Variants in ZNF529 observed in about 807,000 individuals in gnomAD.
ZNF529 encodes zinc finger protein 529.
Under a neutral mutation model 10.1 loss-of-function variants are expected in ZNF529, and 11 were observed. The ratio of observed to expected loss-of-function variants is 1.09; its 90% CI spans 0.69 to 1.81. ZNF529 has a LOEUF of 1.81. Ranked by LOEUF, ZNF529 falls within the 40% of genes most tolerant of loss-of-function variation. The pLI, the probability that ZNF529 is intolerant of heterozygous loss-of-function variation, is 0.00. For synonymous variants in ZNF529, 204 were observed against 215.7 expected (o/e 0.95, Z 0.47); for missense variants, 624 against 666.8 (o/e 0.94, Z 0.71).
At chr19:36,591,298 A>AC (rs1491248978) in intron 1 of ZNF529, among the ~76,000 whole-genome samples, 262 of 110,086 alleles carry the variant, frequency 2.4e-3, no homozygotes, top group African/African-American at 9.1e-3. Flanking sequence ...ACTCCGTCTC[A>AC]AAAAAAAAAA....
chr19:36,561,894 C>T (rs921841325), intron 2 of ZNF529, among the ~76,000 whole-genome samples: 2 of 152,242 alleles, frequency 1.3e-5, no homozygotes, highest in Non-Finnish European at 2.9e-5. Context: ...TTTGGACCTA[C>T]TTGAGACCAG....
At chr19:36,566,840 T>C (rs2035917245) in intron 2 of ZNF529, among the ~76,000 whole-genome samples, 2 of 151,672 alleles carry the variant, frequency 1.3e-5, no homozygotes, top group Non-Finnish European at 2.9e-5. Flanking sequence ...GCCAATATGG[T>C]AAAATCCCAT....
intron 1 of ZNF529, among the ~76,000 whole-genome samples, chr19:36,603,218 G>A (rs189557803): frequency 2.6e-5 from 4 of 152,122 alleles, no homozygotes; most frequent in Admixed American, 2.6e-4. Context: ...GGTCTCCTCC[G>A]TAACAAATCA....
At chr19:36,558,741 T>C (rs1378543388) in intron 2 of ZNF529, among the ~76,000 whole-genome samples, 2 of 151,824 alleles carry the variant, frequency 1.3e-5, no homozygotes, top group Non-Finnish European at 2.9e-5. Context: ...TTTTAAAATA[T>C]AACACCAAAA....
intron 2 of ZNF529, among the ~76,000 whole-genome samples, chr19:36,579,330 G>A (rs1600336938): frequency 6.6e-6 from 1 of 152,128 alleles, no homozygotes; most frequent in East Asian, 1.9e-4. Context: ...CAGATAATAG[G>A]CCTCAAAACA....
chr19:36,547,287 C>T lies in ZNF529; in HGVS notation c.1271G>A (p.Cys424Tyr). The T allele has an allele frequency of 6.2e-7, 1 of 1,613,720 alleles. No homozygotes were observed. Among genetic ancestry groups the T allele is most frequent in the Non-Finnish European group, 8.5e-7 (1 of 1,179,808 alleles). Residue 424 changes from cysteine (C) to tyrosine (Y), a missense_variant, in exon 5 of 5, where the codon TGT (cysteine) becomes TAT (tyrosine). Transcript: ENST00000591340. ...TCCAAATGCTTTCTCACATTCTTTA[C>T]ATTTATAGGGTTTTTCACCAGTATG... ...RIHTGEKPYK[C>Y]KECEKAFGVG...
intron 2 of ZNF529, among the ~76,000 whole-genome samples, chr19:36,569,650 C>T (rs2036026378): frequency 1.3e-5 from 2 of 152,060 alleles, no homozygotes; most frequent in Admixed American, 1.3e-4. Flanking sequence ...ACCTGTAGTC[C>T]CAGCTACTCA....
intron 2 of ZNF529, among the ~76,000 whole-genome samples, chr19:36,584,732 A>C (rs1026959876): frequency 2.7e-5 from 4 of 150,466 alleles, no homozygotes; most frequent in Non-Finnish European, 5.9e-5. Flanking sequence ...GCCCCACTGC[A>C]CTCCACCCTG....
intron 2 of ZNF529, among the ~76,000 whole-genome samples, chr19:36,587,918 T>C (rs1423324864): frequency 2.0e-5 from 3 of 152,070 alleles, no homozygotes; most frequent in African/African-American, 4.8e-5. Flanking sequence ...CGATCTAAAA[T>C]TGTGGTGATG....
chr19:36,591,594 G>A (rs910433381), intron 1 of ZNF529, among the ~76,000 whole-genome samples: 3 of 151,488 alleles, frequency 2.0e-5, no homozygotes, highest in Non-Finnish European at 4.4e-5. Context: ...GGTGGTGGGC[G>A]CCTGCCTGTA....
At chr19:36,594,110 T>C (rs2036787986) in intron 1 of ZNF529, 1 of 152,164 alleles carries the variant, frequency 6.6e-6, no homozygotes, top group Non-Finnish European at 1.5e-5. Flanking sequence ...CAACCCTATC[T>C]TGAGATAACA....
chr19:36,590,663 C>A (rs1396487581), intron 1 of ZNF529, among the ~76,000 whole-genome samples: 1 of 152,126 alleles, frequency 6.6e-6, no homozygotes, highest in Non-Finnish European at 1.5e-5. Context: ...GGCATGACGG[C>A]TCATGCCTGT....
At chr19:36,557,958 A>G (rs1463455850) in intron 2 of ZNF529, among the ~76,000 whole-genome samples, 2 of 151,982 alleles carry the variant, frequency 1.3e-5, no homozygotes, top group Non-Finnish European at 2.9e-5. Flanking sequence ...ATAATGTTGC[A>G]TCAAAAAGAG....
chr19:36,559,220 G>A (rs928045263), intron 2 of ZNF529, among the ~76,000 whole-genome samples: 9 of 152,162 alleles, frequency 5.9e-5, no homozygotes, highest in Non-Finnish European at 1.0e-4. Context: ...AAAGAATATA[G>A]AGGCTCCTCA....
intron 1 of ZNF529, among the ~76,000 whole-genome samples, chr19:36,593,481 A>G (rs1403979208): frequency 1.3e-5 from 2 of 152,196 alleles, no homozygotes; most frequent in Non-Finnish European, 2.9e-5. Context: ...GTCCCAATCT[A>G]TAATCGAATG....
intron 2 of ZNF529, among the ~76,000 whole-genome samples, chr19:36,570,009 T>TG (rs2036039482): frequency 6.6e-6 from 1 of 152,156 alleles, no homozygotes. Flanking sequence ...TAGGCTTGAC[T>TG]AAGTAGGTAA....
chr19:36,554,769 T>C lies in ZNF529; in HGVS notation c.136A>G (p.Ile46Val), dbSNP rs2035400366. 1 of 1,574,670 alleles carries C rather than the reference T, an allele frequency of 6.4e-7. No individual in the cohort carries two copies. ...TCCCATTCCTCCTGAGAGAAGTTGA[T>C]GACCACATCCCTGAGTGTCACCAGT... ...HELVTLRDVVINFSQEEWEYL... is the reference protein window; with the variant it reads ...HELVTLRDVVVNFSQEEWEYL... Residue 46 changes from isoleucine (I) to valine (V), a missense_variant, in exon 4 of 5, where the codon ATC (isoleucine) becomes GTC (valine). Physicochemically the swap from Ile to Val is conservative, Grantham distance 29. Transcript: ENST00000591340.
chr19:36,601,034 A>G lies in ZNF529; in HGVS notation c.-128+4092T>C, dbSNP rs373227177. The stretch of plus-strand genomic sequence containing the variant: ...CAGGCTACACAATTATGTAACTTGG[A>G]AAAAAAAAAAGACACCTCATGCTGC... On this transcript the variant is annotated intron_variant, in intron 1 of 4. Transcript: ENST00000585960. Among the ~76,000 whole-genome samples, 9 of 147,656 alleles carry G rather than the reference A, an allele frequency of 6.1e-5. No individual in the cohort carries two copies. The East Asian group carries it at 9.9e-4, about 16-fold the overall frequency.
At chr19:36,568,162 T>C (rs144700497) in intron 2 of ZNF529, among the ~76,000 whole-genome samples, 1 of 152,318 alleles carries the variant, frequency 6.6e-6, no homozygotes, top group East Asian at 1.9e-4. Context: ...CTATTCTCTA[T>C]TGAAACACTT....
Sources: gnomAD v4.1 joint callset for allele counts (sites outside exome capture counted in the v4.1 genomes callset) on GRCh38, gnomAD v4.1.1 for gene constraint, MANE v1.5 for transcripts, NCBI Gene and HGNC (gene_info 2026-07-23, HGNC 2026-07-21) for gene names.